SATB2: variants seen among roughly 807,000 people sequenced by gnomAD.
The protein encoded by SATB2 is SATB homeobox 2, also known as DNA-binding protein SATB2.
Under a neutral mutation model 73.4 loss-of-function variants are expected in SATB2, and 1 was observed. That is an observed-to-expected ratio of 0.01 (90% CI 0.00 to 0.06). The LOEUF is 0.06. Ranked by LOEUF, SATB2 falls within the 10% of genes least tolerant of loss-of-function variation. SATB2 has a pLI of 1.00. For synonymous variants in SATB2, 397 were observed against 367.0 expected, an observed-to-expected ratio of 1.08 and a Z score of -0.93; for missense variants, 459 against 945.8, an observed-to-expected ratio of 0.49 and a Z score of 6.75.
chr2:199,418,360 C>T (rs1691059315), intron 3 of SATB2, among the ~76,000 whole-genome samples: 1 of 152,132 alleles, frequency 6.6e-6, no homozygotes, highest in Non-Finnish European at 1.5e-5. Flanking sequence ...AGAGGGCCAA[C>T]GATCTGTTAA....
Position 199,272,816 on chromosome 2 carries a change from A to G in SATB2, c.1741-144T>C. 1.3e-6 allele frequency: 1 copy of G among 776,266 alleles called. No homozygotes were observed. Among genetic ancestry groups the G allele is most frequent in the Non-Finnish European group, 2.2e-6 (1 of 463,380 alleles). 48.1% of individuals were successfully genotyped at this position (776,266 alleles called of 1,614,324 possible). On this transcript the variant is annotated intron_variant, in intron 10 of 10. Transcript: ENST00000417098. This position sits in a 1 kb window ranked among gnomAD's most constrained non-coding sequence, Gnocchi z 6.7. ...TAAAGTCAGGTCTTTGGAAAGCTTA[A>G]AAGCATTTCTGGACATTTAGTATCT...
chr2:199,305,353 A>T (rs1687400969), intron 10 of SATB2, among the ~76,000 whole-genome samples: 1 of 151,990 alleles, frequency 6.6e-6, no homozygotes, highest in South Asian at 2.1e-4. Flanking sequence ...ATAGGGGGGT[A>T]AAAGGTGGGA....
In SATB2 at chr2:199,367,606, C is replaced by A. The variant is rs558540720; in HGVS notation, c.700+999G>T. 3.9e-5 allele frequency among the ~76,000 whole-genome samples: 6 copies of A among 152,174 alleles called. No homozygotes were observed. In the South Asian group the frequency reaches 1.2e-3, roughly 32 times the overall value. ...AAATTCATCCTTTACTTTTACTTAC[C>A]CACCATAAATTGTCATTTGCCCCTC... On this transcript the variant is annotated intron_variant, in intron 6 of 10. Transcript: ENST00000417098.
intron 2 of SATB2, among the ~76,000 whole-genome samples, chr2:199,443,778 A>G (rs1050362407): frequency 2.0e-5 from 3 of 152,186 alleles, no homozygotes; most frequent in African/African-American, 7.2e-5. Context: ...TCAAGACTCA[A>G]TAACAACCAA....
chr2:199,307,800 T>A (rs886996106), intron 10 of SATB2, among the ~76,000 whole-genome samples: 1 of 152,130 alleles, frequency 6.6e-6, no homozygotes, highest in East Asian at 1.9e-4. Context: ...TTTCACTGCA[T>A]CCCTCACCAC....
chr2:199,313,456 A>C (rs1687648058), intron 9 of SATB2, among the ~76,000 whole-genome samples: 1 of 151,976 alleles, frequency 6.6e-6, no homozygotes, highest in Non-Finnish European at 1.5e-5. Context: ...CCCAAGCATT[A>C]GGGTGCATAA....
At chr2:199,331,331 T>C (rs1467948769) in intron 7 of SATB2, among the ~76,000 whole-genome samples, 1 of 152,100 alleles carries the variant, frequency 6.6e-6, no homozygotes, top group Non-Finnish European at 1.5e-5. Context: ...GAAGTATCCT[T>C]GAGAATGACT....
chr2:199,412,289 G>T (rs1230852978), intron 3 of SATB2, among the ~76,000 whole-genome samples: 1 of 152,222 alleles, frequency 6.6e-6, no homozygotes, highest in Non-Finnish European at 1.5e-5. Context: ...TCCTGGTTTT[G>T]TCTGCAGTAG....
Position 199,433,287 on chromosome 2 carries a change from C to A in SATB2, c.346+51G>T, listed in dbSNP as rs868507787. The A allele has an allele frequency of 5.8e-6, 9 of 1,553,560 alleles. No individual in the cohort carries two copies. In the African/African-American group the frequency reaches 8.2e-5, roughly 14 times the overall value. On this transcript the variant is annotated intron_variant, in intron 3 of 10. Transcript: ENST00000417098. ...CTATTTCAGAAAACATATTCTTCCT[C>A]AAATTATGACACACAAGAGACTTGG... is the stretch of plus-strand genomic sequence containing the variant.
intron 6 of SATB2, among the ~76,000 whole-genome samples, chr2:199,365,969 A>T (rs997492802): frequency 6.6e-6 from 1 of 152,146 alleles, no homozygotes; most frequent in Non-Finnish European, 1.5e-5. Flanking sequence ...TGTTTAGGAA[A>T]TCATGTTTTT....
intron 2 of SATB2, among the ~76,000 whole-genome samples, chr2:199,440,852 CTTT>C (rs11291122): frequency 2.3e-4 from 33 of 143,732 alleles, no homozygotes; most frequent in African/African-American, 2.5e-4. Flanking sequence ...ATCATAATTA[CTTT>C]TTTTTTTTTT....
intron 3 of SATB2, among the ~76,000 whole-genome samples, chr2:199,385,953 TATC>T (rs1231353792): frequency 6.6e-6 from 1 of 152,200 alleles, no homozygotes; most frequent in Non-Finnish European, 1.5e-5. Flanking sequence ...CCTTTAGGGT[TATC>T]ATGAGACTTT....
At chr2:199,428,164 C>G (rs1447656310) in intron 3 of SATB2, among the ~76,000 whole-genome samples, 1 of 152,084 alleles carries the variant, frequency 6.6e-6, no homozygotes, top group African/African-American at 2.4e-5. Context: ...GTCACATAAG[C>G]AAGAATTATG....
At chr2:199,424,198 C>CT (rs1691260027) in intron 3 of SATB2, among the ~76,000 whole-genome samples, 1 of 152,044 alleles carries the variant, frequency 6.6e-6, no homozygotes, top group Non-Finnish European at 1.5e-5. Context: ...ACAGCCTTGA[C>CT]TTAAGACCCT....
chr2:199,416,960 C>T, intron 3 of SATB2, among the ~76,000 whole-genome samples: 1 of 151,766 alleles, frequency 6.6e-6, no homozygotes, highest in Non-Finnish European at 1.5e-5. Flanking sequence ...GGCGTGAACC[C>T]GGGAGGCGGA....
chr2:199,270,208 T>C lies in SATB2; in HGVS notation c.*2003A>G, dbSNP rs551083526. ...CTTTTGCAAAGGTATATGACGCTTA[T>C]GTCAAGATAATTTTTAAACATCATT... On this transcript the variant is annotated 3_prime_UTR_variant, in exon 11 of 11. Transcript: ENST00000417098. 1.2e-4 allele frequency: 19 copies of C among 152,876 alleles called. No homozygotes were observed. The highest frequency in any genetic ancestry group is 5.9e-4 in the Admixed American group (9 of 15,298). The allele number at this position is 152,876 out of a possible 1,614,324, so 9.5% of individuals were successfully genotyped here. A position where few individuals can be genotyped will look rare whatever the true frequency, so the allele number is the denominator to read the frequency against.
At chr2:199,465,234 T>C (rs1692570691), upstream of SATB2, 1 of 152,190 alleles carries the variant, frequency 6.6e-6, no homozygotes, top group Admixed American at 6.5e-5. Context: ...GCAATCATCA[T>C]TGTAGCTTTG....
At chr2:199,337,531 C>G (rs192585382) in intron 7 of SATB2, among the ~76,000 whole-genome samples, 3 of 152,028 alleles carry the variant, frequency 2.0e-5, no homozygotes, top group Admixed American at 6.6e-5. Flanking sequence ...TTTCATGAAG[C>G]CTTTGCTTTA....
chr2:199,274,649 A>G (rs751165500), intron 10 of SATB2, among the ~76,000 whole-genome samples: 8 of 152,218 alleles, frequency 5.3e-5, no homozygotes, highest in Non-Finnish European at 1.0e-4. Context: ...ACTATAAAAC[A>G]GTGGCACTAA....
Sources: gnomAD v4.1 joint callset for allele counts (sites outside exome capture counted in the v4.1 genomes callset) on GRCh38, gnomAD v4.1.1 for gene constraint, Gnocchi (gnomAD v3.1) non-coding constraint, MANE v1.5 for transcripts, NCBI Gene and HGNC (gene_info 2026-07-23, HGNC 2026-07-21) for gene names.